The following DNAH3 variants were observed in gnomAD, a reference collection of about 807,000 sequenced individuals.
DNAH3 encodes the protein dynein axonemal heavy chain 3.
Under a neutral mutation model 432.5 loss-of-function variants are expected in DNAH3, and 332 were observed. The ratio of observed to expected loss-of-function variants is 0.77; its 90% confidence interval spans 0.70 to 0.84. The LOEUF is 0.84. DNAH3 is among the 40% of genes least tolerant of loss of function. The pLI is 0.00. For missense variants in DNAH3, 4,861 were observed against 5,114.0 expected, an observed-to-expected ratio of 0.95 and a Z score of 1.51; for synonymous variants, 1,956 against 1,900.2, an observed-to-expected ratio of 1.03 and a Z score of -0.76.
At chr16:21,096,921 T>C (rs1226209072) in intron 18 of DNAH3, among the ~76,000 whole-genome samples, 1 of 152,178 alleles carries the variant, frequency 6.6e-6, no homozygotes, top group Non-Finnish European at 1.5e-5. Flanking sequence ...AGTAACCTCT[T>C]CCTCCCTGCC....
At chr16:20,972,600 C>T (rs1242363883) in intron 51 of DNAH3, among the ~76,000 whole-genome samples, 1 of 151,978 alleles carries the variant, frequency 6.6e-6, no homozygotes, top group African/African-American at 2.4e-5. Flanking sequence ...AGTGAAAAAG[C>T]ATCTGTAATT....
At chr16:20,935,379 A>T in exon 61 of DNAH3, 1 of 1,613,920 alleles carries the variant, frequency 6.2e-7, no homozygotes, top group Non-Finnish European at 8.5e-7. Context: ...GTCAATGGGG[A>T]TGGTATATTT....
At chr16:21,002,501 A>T (rs147630662) in intron 42 of DNAH3, among the ~76,000 whole-genome samples, 10,519 of 151,598 alleles carry the variant, frequency 0.069, 496 homozygotes, top group Non-Finnish European at 0.1. Flanking sequence ...TGCTCTTGTC[A>T]CCCAGGCTGA....
At chr16:21,078,331 A>T (rs2091053005) in intron 20 of DNAH3, among the ~76,000 whole-genome samples, 1 of 152,054 alleles carries the variant, frequency 6.6e-6, no homozygotes, top group Non-Finnish European at 1.5e-5. Context: ...TATGTGTTCA[A>T]TCAAATAGGA....
At chr16:21,113,029 T>C (rs1432993205) in intron 12 of DNAH3, among the ~76,000 whole-genome samples, 1 of 152,190 alleles carries the variant, frequency 6.6e-6, no homozygotes, top group East Asian at 1.9e-4. Context: ...TTGTCTCAGA[T>C]GAGACTTTGC....
chr16:21,102,127 C>T (rs1455655319), intron 16 of DNAH3, among the ~76,000 whole-genome samples: 2 of 152,100 alleles, frequency 1.3e-5, no homozygotes, highest in Non-Finnish European at 2.9e-5. Flanking sequence ...AAAGGTTCAC[C>T]GAAGAGAGGG....
At chr16:21,125,917 C>T (rs984592774) in intron 8 of DNAH3, among the ~76,000 whole-genome samples, 1 of 152,134 alleles carries the variant, frequency 6.6e-6, no homozygotes, top group Non-Finnish European at 1.5e-5. Context: ...GAGGCCGAAG[C>T]GGGCAGATCA....
At chr16:21,148,462 AG>A (rs2092814171) in intron 1 of DNAH3, among the ~76,000 whole-genome samples, 1 of 150,934 alleles carries the variant, frequency 6.6e-6, no homozygotes, top group South Asian at 2.1e-4. Flanking sequence ...TTTGAGTCCA[AG>A]TTTTCGCTCT....
intron 61 of DNAH3, among the ~76,000 whole-genome samples, chr16:20,934,884 GA>G (rs2083532829): frequency 1.3e-5 from 2 of 152,128 alleles, no homozygotes; most frequent in South Asian, 4.1e-4. Flanking sequence ...TGGACTAGAT[GA>G]TTTCAAAGGA....
At chr16:20,963,079 C>T (rs2084896134) in intron 53 of DNAH3, among the ~76,000 whole-genome samples, 1 of 152,162 alleles carries the variant, frequency 6.6e-6, no homozygotes, top group Non-Finnish European at 1.5e-5. Flanking sequence ...GCTTACATTC[C>T]CAAATGGCCC....
chr16:20,997,626 G>C (rs2086819232), intron 43 of DNAH3, among the ~76,000 whole-genome samples, 164 bp from the exon 44 acceptor site: 1 of 152,096 alleles, frequency 6.6e-6, no homozygotes, highest in Non-Finnish European at 1.5e-5. Context: ...GATTGGAAGG[G>C]GTTTTCCTGA....
At chr16:21,131,471 G>GAAA (rs1442356732) in intron 7 of DNAH3, among the ~76,000 whole-genome samples, 561 of 39,880 alleles carry the variant, frequency 0.014, 1 homozygote, top group African/African-American at 0.054. Context: ...AAGGAAGGAA[G>GAAA]GAAGGAAGAA....
At chr16:20,956,877 C>T (rs2084588377) in intron 54 of DNAH3, among the ~76,000 whole-genome samples, 1 of 152,136 alleles carries the variant, frequency 6.6e-6, no homozygotes, top group Non-Finnish European at 1.5e-5. Context: ...ACATGCACCA[C>T]CGCACCTGGC....
chr16:20,953,422 G>T (rs2084408800), intron 55 of DNAH3, among the ~76,000 whole-genome samples: 2 of 152,160 alleles, frequency 1.3e-5, no homozygotes. Context: ...GCCTCCCAAA[G>T]TGCTGGGATT....
At chr16:21,033,870 C>T (rs2089021221) in intron 36 of DNAH3, 104 bp downstream of exon 36, 4 of 709,376 alleles carry the variant, frequency 5.6e-6, no homozygotes, top group East Asian at 2.6e-5. Flanking sequence ...TCTGACGTCA[C>T]GATCGAGGCC....
intron 11 of DNAH3, chr16:21,120,715 T>G: frequency 6.5e-7 from 1 of 1,547,360 alleles, no homozygotes; most frequent in Non-Finnish European, 8.9e-7. Flanking sequence ...TTGTAATTCA[T>G]CAAATGTAGT....
At chr16:21,150,665 G>C (rs1207094292) in intron 1 of DNAH3, 86 bp downstream of exon 1, 1 of 184,816 alleles carries the variant, frequency 5.4e-6, no homozygotes, top group Non-Finnish European at 1.1e-5. Flanking sequence ...TTCTCTCTTG[G>C]AAATTTTCCA....
Position 20,940,084 on chromosome 16 carries a change from T to C in DNAH3, c.11654+1317A>G, listed in dbSNP as rs767605850. Among the ~76,000 whole-genome samples, 65 of 152,184 alleles carry C rather than the reference T, an allele frequency of 4.3e-4. 1 individual carries two copies. Among genetic ancestry groups the C allele is most frequent in the Non-Finnish European group, 3.5e-4 (24 of 68,028 alleles). On this transcript the variant is annotated intron_variant, in intron 59 of 61. Transcript: ENST00000261383. ...AGGATGAACGTCTCCCACCCCTTTCTAGATTTACCCAGATTTCACATATTG... is the reference window on the plus strand; with the variant it reads ...AGGATGAACGTCTCCCACCCCTTTCCAGATTTACCCAGATTTCACATATTG...
exon 17 of DNAH3, chr16:21,098,626 G>A (rs1345571633): frequency 3.1e-6 from 5 of 1,612,284 alleles, no homozygotes; most frequent in Non-Finnish European, 4.2e-6. Context: ...CTCAAACTCT[G>A]CAAACGCCCG....
Sources: allele counts gnomAD v4.1 joint callset (sites outside exome capture counted in the v4.1 genomes callset), GRCh38; gene constraint gnomAD v4.1.1; transcripts MANE v1.5; gene names NCBI Gene and HGNC (gene_info 2026-07-23, HGNC 2026-07-21).